The following NTNG1 variants were observed in gnomAD, a reference collection of about 807,000 sequenced individuals.
NTNG1 encodes the protein netrin G1.
In NTNG1, 16 loss-of-function variants were observed where a neutral mutation model predicts 54.0. The observed-to-expected ratio is 0.30, with a 90% CI of 0.20 to 0.45. The LOEUF (loss-of-function observed/expected upper bound fraction) is 0.45. Ranked by LOEUF, NTNG1 falls within the 20% of genes least tolerant of loss-of-function variation. The pLI is 1.00. For synonymous variants in NTNG1, 255 were observed against 263.1 expected (o/e 0.97, Z 0.30); for missense variants, 530 against 678.7 (o/e 0.78, Z 2.43).
At chr1:107,186,621 G>C (rs990260050) in intron 2 of NTNG1, among the ~76,000 whole-genome samples, 1 of 151,994 alleles carries the variant, frequency 6.6e-6, no homozygotes, top group Non-Finnish European at 1.5e-5. Context: ...CTAACTCTCC[G>C]GCCACCCAAG....
rs1204274118 is a variant in NTNG1, at chr1:107,149,781, A to G, written c.246+942A>G. On this transcript the variant is annotated intron_variant, in intron 2 of 7. Coordinates refer to ENST00000370068, the MANE Select transcript of NTNG1 (RefSeq NM_001113226.3). Reference sequence around the variant, plus strand: ...TTCATTTGGTTTTTTTTTTAATTATAGGTGGTTTTTATTTGATAGAAGAAC... The same window carrying G: ...TTCATTTGGTTTTTTTTTTAATTATGGGTGGTTTTTATTTGATAGAAGAAC... 3.3e-5 allele frequency among the ~76,000 whole-genome samples: 5 copies of G among 151,924 alleles called. No homozygotes were observed. In the East Asian group the frequency reaches 9.6e-4, roughly 29 times the overall value.
At chr1:107,140,952 G>A (rs1653614997), upstream of NTNG1, 1 of 152,578 alleles carries the variant, frequency 6.6e-6, no homozygotes, top group Admixed American at 6.5e-5. Flanking sequence ...TATTTTTGGA[G>A]GGAGAGGCAC....
chr1:107,267,783 C>T (rs1663849509), intron 2 of NTNG1, among the ~76,000 whole-genome samples: 1 of 152,220 alleles, frequency 6.6e-6, no homozygotes, highest in East Asian at 1.9e-4. Flanking sequence ...AGACTCCTTT[C>T]CTCCAGTAGG....
rs138630499 is a variant in NTNG1 at position 107,372,164 on chromosome 1, T to C, written c.888-22990T>C. Among the ~76,000 whole-genome samples, 281 of 152,162 alleles carry C rather than the reference T, an allele frequency of 1.8e-3. 4 individuals carry two copies. Among genetic ancestry groups the C allele is most frequent in the Admixed American group, 0.014 (218 of 15,284 alleles). On this transcript the variant is annotated intron_variant, in intron 3 of 7. Transcript: ENST00000370068. ...ATTTTTTTATTATGTTTATTTTTTCTATTTCATTGGTTTCTGCTTTGGTAT... is the reference window on the plus strand; with the variant it reads ...ATTTTTTTATTATGTTTATTTTTTCCATTTCATTGGTTTCTGCTTTGGTAT...
chr1:107,418,386 T>C (rs1302810072), intron 5 of NTNG1, among the ~76,000 whole-genome samples: 1 of 152,090 alleles, frequency 6.6e-6, no homozygotes, highest in African/African-American at 2.4e-5. Context: ...ATATATTTAA[T>C]GTCCATTCAA....
At chr1:107,424,250 G>A (rs910766192) in intron 5 of NTNG1, among the ~76,000 whole-genome samples, 1 of 152,006 alleles carries the variant, frequency 6.6e-6, no homozygotes, top group African/African-American at 2.4e-5. Context: ...GATGTCTGGG[G>A]GTATTCCAGA....
At chr1:107,314,849 T>G (rs1667241271) in intron 2 of NTNG1, among the ~76,000 whole-genome samples, 2 of 152,244 alleles carry the variant, frequency 1.3e-5, no homozygotes, top group Admixed American at 6.5e-5. Context: ...CTTAGCAAGT[T>G]ACTTAAATGA....
chr1:107,382,053 T>A (rs903331687), intron 3 of NTNG1, among the ~76,000 whole-genome samples: 2 of 151,520 alleles, frequency 1.3e-5, no homozygotes, highest in African/African-American at 4.9e-5. Context: ...AACCATTGTG[T>A]CAGGAAGATA....
intron 4 of NTNG1, 179 bp downstream of exon 4, chr1:107,395,505 T>C (rs1672632697): frequency 1.3e-6 from 1 of 755,134 alleles, no homozygotes; most frequent in Admixed American, 1.7e-5. Context: ...ACTCTGATCA[T>C]CAGTAAAATT....
intron 6 of NTNG1, among the ~76,000 whole-genome samples, chr1:107,434,960 A>C (rs1213560076): frequency 6.6e-6 from 1 of 151,884 alleles, no homozygotes; most frequent in Non-Finnish European, 1.5e-5. Context: ...ACTTACCCAC[A>C]TTTTCCTATG....
At chr1:107,276,306 G>C (rs1371675546) in intron 2 of NTNG1, among the ~76,000 whole-genome samples, 16 of 152,018 alleles carry the variant, frequency 1.1e-4, no homozygotes. Context: ...TCTCTTCATA[G>C]CAACATTGTC....
At chr1:107,418,587 A>G in intron 5 of NTNG1, 1 of 1,601,862 alleles carries the variant, frequency 6.2e-7, no homozygotes, top group Non-Finnish European at 8.5e-7. Flanking sequence ...CAGATCCTCC[A>G]AAGTTTAATA....
chr1:107,191,958 T>A (rs965181867), intron 2 of NTNG1, among the ~76,000 whole-genome samples: 4 of 152,260 alleles, frequency 2.6e-5, no homozygotes, highest in African/African-American at 9.6e-5. Flanking sequence ...TCTCCAATTC[T>A]GTGAAGACAG....
chr1:107,337,923 T>C (rs1397595048), intron 3 of NTNG1, among the ~76,000 whole-genome samples: 1 of 151,972 alleles, frequency 6.6e-6, no homozygotes, highest in Non-Finnish European at 1.5e-5. Context: ...TCAAAGAACA[T>C]TTTCTGTGTA....
chr1:107,309,841 A>G (rs536181610), intron 2 of NTNG1, among the ~76,000 whole-genome samples: 2 of 152,178 alleles, frequency 1.3e-5, no homozygotes, highest in Non-Finnish European at 2.9e-5. Flanking sequence ...TTCTTGTTTT[A>G]TATTTAAACC....
intron 2 of NTNG1, among the ~76,000 whole-genome samples, chr1:107,167,875 A>G (rs867009483): frequency 9.2e-5 from 14 of 152,174 alleles, no homozygotes; most frequent in South Asian, 4.1e-4. Context: ...GGAAAACAAA[A>G]CAAAACTTTA....
chr1:107,170,648 G>T (rs7522251), intron 2 of NTNG1, among the ~76,000 whole-genome samples: 115,203 of 151,922 alleles, frequency 0.76, 44,692 homozygotes, highest in Middle Eastern at 0.87. Flanking sequence ...TAATTGGATA[G>T]ATTATTTGGT....
At chr1:107,440,804 C>G (rs1484049929) in intron 7 of NTNG1, among the ~76,000 whole-genome samples, 1 of 152,018 alleles carries the variant, frequency 6.6e-6, no homozygotes, top group Admixed American at 6.6e-5. Context: ...ACTCCAGGCT[C>G]ATCAGCAAAC....
At chr1:107,202,979 G>A (rs1278993630) in intron 2 of NTNG1, among the ~76,000 whole-genome samples, 5 of 151,750 alleles carry the variant, frequency 3.3e-5, no homozygotes, top group Non-Finnish European at 5.9e-5. Context: ...ACATTTTAAT[G>A]ATAAAAATTT....
Sources: gnomAD v4.1 joint callset for allele counts (sites outside exome capture counted in the v4.1 genomes callset) on GRCh38, gnomAD v4.1.1 for gene constraint, MANE v1.5 for transcripts, NCBI Gene and HGNC (gene_info 2026-07-23, HGNC 2026-07-21) for gene names.